CYP7B1: variants seen among roughly 807,000 people sequenced by gnomAD.
CYP7B1 encodes cytochrome P450 family 7 subfamily B member 1.
In CYP7B1, 29 loss-of-function variants were observed where a neutral mutation model predicts 42.7. That is an observed-to-expected ratio of 0.68 (90% CI 0.51 to 0.93). The LOEUF is 0.93. CYP7B1 is among the 40% of genes least tolerant of loss of function. The pLI, the probability that CYP7B1 is intolerant of heterozygous loss-of-function variation, is 0.00. For missense variants in CYP7B1, 655 were observed against 600.5 expected (o/e 1.09, Z -0.95); for synonymous variants, 235 against 218.2 (o/e 1.08, Z -0.68).
At chr8:64,702,546 A>C (rs998068554) in intron 1 of CYP7B1, among the ~76,000 whole-genome samples, 1 of 152,096 alleles carries the variant, frequency 6.6e-6, no homozygotes, top group South Asian at 2.1e-4. Flanking sequence ...CCAGAAACAC[A>C]TTATGTAGTA....
At chr8:64,749,210 A>G (rs1807692188) in intron 1 of CYP7B1, among the ~76,000 whole-genome samples, 1 of 151,890 alleles carries the variant, frequency 6.6e-6, no homozygotes, top group South Asian at 2.1e-4. Context: ...CCTCCTGAGT[A>G]GCTGGGATTA....
intron 1 of CYP7B1, among the ~76,000 whole-genome samples, chr8:64,689,107 C>T (rs956875224): frequency 6.6e-6 from 1 of 152,102 alleles, no homozygotes; most frequent in African/African-American, 2.4e-5. Context: ...ACATAGCATA[C>T]ATTTTGAGAT....
chr8:64,775,880 G>A (rs1804317243), intron 1 of CYP7B1, among the ~76,000 whole-genome samples: 1 of 152,082 alleles, frequency 6.6e-6, no homozygotes, highest in Non-Finnish European at 1.5e-5. Context: ...GAATAGTAAT[G>A]TCCTTGTGGA....
chr8:64,603,346 T>C (rs887437838), intron 5 of CYP7B1, among the ~76,000 whole-genome samples: 3 of 152,236 alleles, frequency 2.0e-5, no homozygotes, highest in Non-Finnish European at 4.4e-5. Context: ...AGCACAGTGA[T>C]ATAAAGACAG....
intron 1 of CYP7B1, among the ~76,000 whole-genome samples, chr8:64,683,956 G>T (rs1806581432): frequency 1.3e-5 from 2 of 152,046 alleles, no homozygotes; most frequent in Admixed American, 1.3e-4. Context: ...GTTTAGAAAA[G>T]CTTCCCCTGA....
chr8:64,722,533 T>C (rs1185975930), intron 1 of CYP7B1, among the ~76,000 whole-genome samples: 10 of 152,232 alleles, frequency 6.6e-5, no homozygotes. Context: ...GCTTTTACTT[T>C]TGCATTGAAA....
At chr8:64,697,983 T>C (rs1293818064) in intron 1 of CYP7B1, among the ~76,000 whole-genome samples, 2 of 152,206 alleles carry the variant, frequency 1.3e-5, no homozygotes, top group Admixed American at 6.5e-5. Context: ...ATTACGACAA[T>C]ACTTTTTGAA....
At chr8:64,749,296 G>C (rs370287687) in intron 1 of CYP7B1, among the ~76,000 whole-genome samples, 154 of 152,176 alleles carry the variant, frequency 1.0e-3, no homozygotes, top group Non-Finnish European at 2.0e-3. Flanking sequence ...GGCCAGGCTG[G>C]TCTCGAACTT....
At chr8:64,622,143 TA>T (rs995411667) in intron 2 of CYP7B1, among the ~76,000 whole-genome samples, 2 of 149,206 alleles carry the variant, frequency 1.3e-5, no homozygotes, top group African/African-American at 5.2e-5. Context: ...TAATAATGCA[TA>T]AAATGCATTA....
intron 1 of CYP7B1, among the ~76,000 whole-genome samples, chr8:64,771,760 A>G (rs2129644478): frequency 6.6e-6 from 1 of 152,316 alleles, no homozygotes; most frequent in Admixed American, 6.5e-5. Context: ...TCTCCTTCTC[A>G]TTCTACATGA....
chr8:64,628,833 C>A (rs1045586413), intron 1 of CYP7B1, among the ~76,000 whole-genome samples: 1 of 152,016 alleles, frequency 6.6e-6, no homozygotes, highest in African/African-American at 2.4e-5. Flanking sequence ...ATTTAATTTC[C>A]CATAATATTT....
chr8:64,792,377 C>T (rs1190260025), intron 1 of CYP7B1, among the ~76,000 whole-genome samples: 1 of 152,114 alleles, frequency 6.6e-6, no homozygotes, highest in Admixed American at 6.6e-5. Flanking sequence ...TAGGAGATTA[C>T]TAATATTAAA....
At chr8:64,710,000 C>T (rs1286103619) in intron 1 of CYP7B1, among the ~76,000 whole-genome samples, 1 of 152,034 alleles carries the variant, frequency 6.6e-6, no homozygotes, top group Non-Finnish European at 1.5e-5. Context: ...CAGGCCATAT[C>T]GAGAACAGTT....
At chr8:64,759,134 A>T (rs1368889187) in intron 1 of CYP7B1, among the ~76,000 whole-genome samples, 2 of 152,218 alleles carry the variant, frequency 1.3e-5, no homozygotes, top group East Asian at 3.8e-4. Context: ...TTGAGGAACT[A>T]GCTATAGAAA....
intron 1 of CYP7B1, among the ~76,000 whole-genome samples, chr8:64,721,905 C>T (rs1168214734): frequency 6.6e-6 from 1 of 151,614 alleles, no homozygotes; most frequent in African/African-American, 2.4e-5. Flanking sequence ...ATTATTCCAC[C>T]AAGAATGTCA....
intron 1 of CYP7B1, among the ~76,000 whole-genome samples, chr8:64,749,974 C>T (rs1046915021): frequency 6.6e-6 from 1 of 152,112 alleles, no homozygotes; most frequent in African/African-American, 2.4e-5. Context: ...AGCACAATGT[C>T]TGGCACAAAA....
chr8:64,702,832 C>A (rs1251477851), intron 1 of CYP7B1, among the ~76,000 whole-genome samples: 4 of 152,038 alleles, frequency 2.6e-5, no homozygotes, highest in African/African-American at 4.8e-5. Context: ...TCATCATTCT[C>A]AGGACCCAGG....
chr8:64,678,609 A>G (rs1165377774), intron 1 of CYP7B1, among the ~76,000 whole-genome samples: 1 of 152,140 alleles, frequency 6.6e-6, no homozygotes, highest in East Asian at 1.9e-4. Context: ...TACAATCAGT[A>G]TTTGGTAACA....
At position 64,798,407 on chromosome 8, in the gene CYP7B1, G is replaced by A. The variant is rs1804742005; in HGVS notation, c.122+59C>T. 6 of 1,441,864 alleles carry A rather than the reference G, an allele frequency of 4.2e-6. No homozygotes were observed. The Admixed American group carries it at 1.2e-4, about 29-fold the overall frequency. The allele number at this position is 1,441,864 out of a possible 1,614,324, so 89.3% of individuals were successfully genotyped here. A position where few individuals can be genotyped will look rare whatever the true frequency, so the allele number is the denominator to read the frequency against. On this transcript the variant is annotated intron_variant, in intron 1 of 5. Coordinates refer to ENST00000310193, the MANE Select transcript of CYP7B1 (RefSeq NM_004820.5). The stretch of plus-strand genomic sequence containing the variant: ...GAGGGGGACTCCCCTCGCCATCTGG[G>A]TCGCGCGCGGCCCGCGGGGCCCAGG...
Sources: gnomAD v4.1 joint callset for allele counts (sites outside exome capture counted in the v4.1 genomes callset) on GRCh38, gnomAD v4.1.1 for gene constraint, MANE v1.5 for transcripts, NCBI Gene and HGNC (gene_info 2026-07-23, HGNC 2026-07-21) for gene names.